ANO6: variants seen among roughly 807,000 people sequenced by gnomAD.
ANO6 encodes anoctamin-6.
In ANO6, 106 loss-of-function variants were observed where a neutral mutation model predicts 117.5. The ratio of observed to expected loss-of-function variants is 0.90; its 90% CI spans 0.77 to 1.06. The LOEUF is 1.06. Ranked by LOEUF, ANO6 falls within the 50% of genes least tolerant of loss-of-function variation. ANO6 has a pLI of 0.00. For missense variants in ANO6, 955 were observed against 1,121.1 expected (o/e 0.85, Z 2.12); for synonymous variants, 367 against 385.1 (o/e 0.95, Z 0.55).
At chr12:45,284,819 A>G (rs1938854956) in intron 1 of ANO6, among the ~76,000 whole-genome samples, 2 of 152,234 alleles carry the variant, frequency 1.3e-5, no homozygotes, top group Non-Finnish European at 2.9e-5. Context: ...CATAAAAGGA[A>G]AGGACAAGGA....
chr12:45,282,306 T>G (rs1938766105), intron 1 of ANO6, among the ~76,000 whole-genome samples: 2 of 152,170 alleles, frequency 1.3e-5, no homozygotes, highest in African/African-American at 4.8e-5. Context: ...GCAATGCATT[T>G]GGAACCTTTA....
rs1392493541 is a variant in ANO6, at chr12:45,367,715, T to C, written c.1026T>C (p.Gly342=). The C allele has an allele frequency of 1.9e-6, 3 of 1,613,276 alleles. No homozygotes were observed. The change falls in exon 9 of 20, where the codon GGT becomes GGC. Residue 342 remains glycine (G), a synonymous_variant. Coordinates refer to ENST00000320560, the MANE Select transcript of ANO6 (RefSeq NM_001025356.3). ...WSKEVCHPDI[G]GKIIMCPQCD... The stretch of plus-strand genomic sequence containing the variant: ...AAGAAGTTTGTCATCCTGATATTGG[T>C]GGCAAGATCATAATGTGTCCTCAGT...
chr12:45,306,301 T>G (rs894581900), intron 2 of ANO6, among the ~76,000 whole-genome samples: 1 of 152,314 alleles, frequency 6.6e-6, no homozygotes, highest in Admixed American at 6.5e-5. Context: ...TTTTCATTGC[T>G]TAGTCTCTAC....
At chr12:45,415,740 A>C (rs1289316086) in intron 16 of ANO6, among the ~76,000 whole-genome samples, 1 of 152,168 alleles carries the variant, frequency 6.6e-6, no homozygotes, top group Non-Finnish European at 1.5e-5. Flanking sequence ...AGCAAATGCC[A>C]GCTCTGCTTG....
chr12:45,403,636 C>T, intron 15 of ANO6, 100 bp downstream of exon 15: 1 of 940,916 alleles, frequency 1.1e-6, no homozygotes, highest in Admixed American at 1.9e-5. Context: ...CACATAGCTG[C>T]ATGTCCACCT....
chr12:45,268,613 C>T (rs2137228638), intron 1 of ANO6, among the ~76,000 whole-genome samples: 1 of 152,262 alleles, frequency 6.6e-6, no homozygotes, highest in East Asian at 1.9e-4. Flanking sequence ...AATAACTGGG[C>T]TCTGATCTTG....
Position 45,266,803 on chromosome 12 carries a change from CAA to C in ANO6, c.71-35210_71-35209del, listed in dbSNP as rs1285016391. ...CAGAACAAGACCCTGTCTCAAAAAA[CAA>C]GTGTGTGTGTGTGTGTGTGTGTGTG... On this transcript the variant is annotated intron_variant, in intron 1 of 19. Transcript: ENST00000320560. 1.2e-4 allele frequency among the ~76,000 whole-genome samples: 12 copies of C among 98,952 alleles called. No homozygotes were observed. The South Asian group carries it at 4.0e-3, about 33-fold the overall frequency. 64.9% of individuals were successfully genotyped at this position (98,952 alleles called of 152,430 possible).
At chr12:45,406,872 G>C (rs891075358) in intron 15 of ANO6, among the ~76,000 whole-genome samples, 1 of 152,210 alleles carries the variant, frequency 6.6e-6, no homozygotes. Flanking sequence ...TGGAGTTGAA[G>C]AGGAAGTGAG....
chr12:45,354,295 A>G (rs962245947), intron 7 of ANO6, among the ~76,000 whole-genome samples: 2 of 152,232 alleles, frequency 1.3e-5, no homozygotes, highest in African/African-American at 2.4e-5. Context: ...GTGCTTCTCA[A>G]TGACACTACA....
At chr12:45,407,129 A>G (rs925398144) in intron 15 of ANO6, among the ~76,000 whole-genome samples, 3 of 152,224 alleles carry the variant, frequency 2.0e-5, no homozygotes, top group African/African-American at 7.2e-5. Context: ...AAACCCAAAC[A>G]TGAGTGGTTC....
chr12:45,231,720 A>T (rs1444760744), intron 1 of ANO6, among the ~76,000 whole-genome samples: 2 of 152,198 alleles, frequency 1.3e-5, no homozygotes, highest in Non-Finnish European at 2.9e-5. Context: ...AATAGTACTT[A>T]GTGACCACTG....
intron 1 of ANO6, among the ~76,000 whole-genome samples, chr12:45,239,429 C>T (rs140761883): frequency 1.3e-5 from 2 of 152,060 alleles, no homozygotes; most frequent in East Asian, 1.9e-4. Context: ...ATTCTTCTCC[C>T]TTTTCTTCTT....
intron 9 of ANO6, among the ~76,000 whole-genome samples, chr12:45,368,655 C>T (rs1339370720): frequency 6.6e-6 from 1 of 152,156 alleles, no homozygotes; most frequent in Non-Finnish European, 1.5e-5. Flanking sequence ...TATTTCAGAG[C>T]ATTTTCCTTA....
At chr12:45,273,828 T>G (rs1379688910) in intron 1 of ANO6, among the ~76,000 whole-genome samples, 1 of 152,164 alleles carries the variant, frequency 6.6e-6, no homozygotes, top group African/African-American at 2.4e-5. Context: ...AACAGAGGCA[T>G]AGTGTTCTAA....
chr12:45,388,061 A>G, intron 10 of ANO6, 100 bp from the exon 11 acceptor site: 1 of 1,499,420 alleles, frequency 6.7e-7, no homozygotes, highest in Non-Finnish European at 9.3e-7. Flanking sequence ...GCAGTGTGAA[A>G]ACAGGCCAGT....
chr12:45,283,597 C>T (rs1938812373), intron 1 of ANO6, among the ~76,000 whole-genome samples: 1 of 152,158 alleles, frequency 6.6e-6, no homozygotes. Flanking sequence ...CATGTAATAG[C>T]ATCTATTTTT....
At chr12:45,357,671 T>C (rs1941448368) in intron 8 of ANO6, among the ~76,000 whole-genome samples, 1 of 152,144 alleles carries the variant, frequency 6.6e-6, no homozygotes, top group Non-Finnish European at 1.5e-5. Flanking sequence ...TAAGACAATA[T>C]TTTGTTTGAA....
chr12:45,377,891 G>A (rs1359846751), intron 9 of ANO6, among the ~76,000 whole-genome samples, 162 bp from the exon 10 acceptor site: 2 of 152,198 alleles, frequency 1.3e-5, no homozygotes, highest in African/African-American at 4.8e-5. Context: ...CTATAAGTAT[G>A]TAGTGGATAC....
intron 2 of ANO6, among the ~76,000 whole-genome samples, chr12:45,328,391 T>C (rs901195582): frequency 6.6e-6 from 1 of 152,114 alleles, no homozygotes; most frequent in Non-Finnish European, 1.5e-5. Context: ...ATTACTGTTT[T>C]TCTTGAACTT....
Sources: gnomAD v4.1 joint callset for allele counts (sites outside exome capture counted in the v4.1 genomes callset) on GRCh38, gnomAD v4.1.1 for gene constraint, MANE v1.5 for transcripts, NCBI Gene and HGNC (gene_info 2026-07-23, HGNC 2026-07-21) for gene names.